The following RBMS1 variants were observed in gnomAD, a reference collection of about 807,000 sequenced individuals.
RBMS1 encodes RNA binding motif single stranded interacting protein 1.
RBMS1 carries 17 observed loss-of-function variants against 62.3 expected under a neutral mutation model. The observed-to-expected ratio is 0.27, with a 90% CI of 0.19 to 0.41. RBMS1 has a LOEUF of 0.41. RBMS1 is among the 10% of genes least tolerant of loss of function. The pLI, the probability that RBMS1 is intolerant of heterozygous loss-of-function variation, is 1.00. For missense variants in RBMS1, 334 were observed against 504.5 expected, an observed-to-expected ratio of 0.66 and a Z score of 3.24; for synonymous variants, 172 against 170.0, an observed-to-expected ratio of 1.01 and a Z score of -0.09.
At chr2:160,290,244 C>T (rs1463520142) in intron 6 of RBMS1, among the ~76,000 whole-genome samples, 2 of 150,686 alleles carry the variant, frequency 1.3e-5, no homozygotes, top group African/African-American at 4.9e-5. Flanking sequence ...TTCAGCTGAA[C>T]TCCAATTGTT....
intron 2 of RBMS1, among the ~76,000 whole-genome samples, chr2:160,335,222 T>C (rs1206090075): frequency 6.6e-6 from 1 of 152,172 alleles, no homozygotes; most frequent in Admixed American, 6.5e-5. Flanking sequence ...TTTTTAAATG[T>C]ATTTTATTAT....
chr2:160,367,813 CTT>C (rs1693494543), intron 1 of RBMS1, among the ~76,000 whole-genome samples: 1 of 152,022 alleles, frequency 6.6e-6, no homozygotes, highest in Admixed American at 6.5e-5. Context: ...TAGGATGACT[CTT>C]AAAAAAAATT....
chr2:160,412,076 T>C (rs1171408748), intron 1 of RBMS1, among the ~76,000 whole-genome samples: 3 of 152,234 alleles, frequency 2.0e-5, no homozygotes, highest in African/African-American at 7.2e-5. Flanking sequence ...TTTGAATGAA[T>C]TGGAAGACTG....
rs1484713932 is a variant in RBMS1 at position 160,329,052 on chromosome 2, T to C, written c.252-10825A>G. On this transcript the variant is annotated intron_variant, in intron 2 of 13. Coordinates refer to ENST00000348849, the MANE Select transcript of RBMS1 (RefSeq NM_016836.4). Reference sequence around the variant, plus strand: ...ACAAGCTAAAAAGGCAAGAGTCAAATTGGACATTTCTTCGACTGAACACTA... The same window carrying C: ...ACAAGCTAAAAAGGCAAGAGTCAAACTGGACATTTCTTCGACTGAACACTA... Among the ~76,000 whole-genome samples, 7 of 152,168 alleles carry C rather than the reference T, an allele frequency of 4.6e-5. No individual in the cohort carries two copies. The East Asian group carries it at 9.6e-4, about 21-fold the overall frequency.
chr2:160,390,145 C>T (rs1694783620), intron 1 of RBMS1, among the ~76,000 whole-genome samples: 1 of 152,186 alleles, frequency 6.6e-6, no homozygotes. Flanking sequence ...GGCATTATTG[C>T]TTTTCCACTC....
intron 1 of RBMS1, among the ~76,000 whole-genome samples, chr2:160,368,441 G>C (rs536345184): frequency 1.3e-5 from 2 of 152,238 alleles, no homozygotes; most frequent in Non-Finnish European, 2.9e-5. Flanking sequence ...AAACAAGAAA[G>C]TCAGGCATGT....
At chr2:160,448,241 G>T (rs1419925375) in intron 1 of RBMS1, among the ~76,000 whole-genome samples, 1 of 151,922 alleles carries the variant, frequency 6.6e-6, no homozygotes. Flanking sequence ...TGAAATGGTA[G>T]AAATCACCTG....
rs1684207347 is a variant in RBMS1 at position 160,455,909 on chromosome 2, TC to T, written c.75+37379del. On this transcript the variant is annotated intron_variant, in intron 1 of 13. Coordinates refer to ENST00000348849, the MANE Select transcript of RBMS1 (RefSeq NM_016836.4). ...CGTGTTAGCCAGGATGGTCTCGATCTCCTGACCTCGTGATCCGCCCGCCTCG... is the reference window on the plus strand; with the variant it reads ...CGTGTTAGCCAGGATGGTCTCGATCTCTGACCTCGTGATCCGCCCGCCTCG... Among the ~76,000 whole-genome samples the T allele has an allele frequency of 2.0e-5, 3 of 152,062 alleles. No homozygotes were observed. The South Asian group carries it at 6.2e-4, about 32-fold the overall frequency.
At chr2:160,313,028 AG>A (rs1325564900) in intron 4 of RBMS1, 127 bp downstream of exon 4, 1 of 754,248 alleles carries the variant, frequency 1.3e-6, no homozygotes, top group Non-Finnish European at 2.2e-6. Flanking sequence ...GCACAGGACA[AG>A]TGTCCAGAAG....
chr2:160,439,201 C>A lies in RBMS1; in HGVS notation c.75+54088G>T, dbSNP rs541931813. ...GCTGGCCGGACGGGGGGCTGACCCCCCCACCTCCCTCTCGGACGAGGTGGC... is the reference window on the plus strand; with the variant it reads ...GCTGGCCGGACGGGGGGCTGACCCCACCACCTCCCTCTCGGACGAGGTGGC... On this transcript the variant is annotated intron_variant, in intron 1 of 13. Transcript: ENST00000348849. 2.6e-5 allele frequency among the ~76,000 whole-genome samples: 4 copies of A among 151,824 alleles called. No individual in the cohort carries two copies. The South Asian group carries it at 8.3e-4, about 32-fold the overall frequency.
intron 13 of RBMS1, 49 bp downstream of exon 13, chr2:160,275,581 G>A: frequency 6.3e-7 from 1 of 1,597,964 alleles, no homozygotes; most frequent in Non-Finnish European, 8.6e-7. Flanking sequence ...AAGCCCTATA[G>A]ATTGTGCTTG....
At chr2:160,396,423 T>G (rs1695141824) in intron 1 of RBMS1, among the ~76,000 whole-genome samples, 2 of 152,130 alleles carry the variant, frequency 1.3e-5, no homozygotes, top group Non-Finnish European at 2.9e-5. Flanking sequence ...TACTATCTCA[T>G]TTAATCCTCC....
chr2:160,471,704 T>TAC, intron 1 of RBMS1, among the ~76,000 whole-genome samples: 3 of 101,368 alleles, frequency 3.0e-5, no homozygotes, highest in South Asian at 3.4e-4. Context: ...TATATATATA[T>TAC]ATATATATAT....
chr2:160,407,244 G>A (rs1405475602), intron 1 of RBMS1, among the ~76,000 whole-genome samples: 1 of 151,986 alleles, frequency 6.6e-6, no homozygotes, highest in Non-Finnish European at 1.5e-5. Flanking sequence ...TCCTGCCCCT[G>A]CCCCTTCCTC....
chr2:160,304,004 T>C (rs1172498298), intron 4 of RBMS1, among the ~76,000 whole-genome samples: 6 of 151,936 alleles, frequency 3.9e-5, no homozygotes, highest in Non-Finnish European at 1.5e-5. Flanking sequence ...TCACCAACAG[T>C]AAAAACAGGT....
At chr2:160,371,930 T>C (rs1167586122) in intron 1 of RBMS1, among the ~76,000 whole-genome samples, 5 of 152,080 alleles carry the variant, frequency 3.3e-5, no homozygotes, top group Admixed American at 6.6e-5. Context: ...CTCTATCACA[T>C]CACCCCCTAT....
At chr2:160,303,920 A>G (rs1161765772) in intron 4 of RBMS1, among the ~76,000 whole-genome samples, 2 of 152,212 alleles carry the variant, frequency 1.3e-5, no homozygotes, top group African/African-American at 4.8e-5. Flanking sequence ...CAAGTCATCT[A>G]GCATCCAATA....
intron 2 of RBMS1, among the ~76,000 whole-genome samples, chr2:160,359,520 C>A (rs1693007903): frequency 6.6e-6 from 1 of 152,142 alleles, no homozygotes; most frequent in Non-Finnish European, 1.5e-5. Flanking sequence ...CCTACCTCAT[C>A]ATAGGATCAT....
chr2:160,354,150 G>A (rs1008790417), intron 2 of RBMS1, among the ~76,000 whole-genome samples: 9 of 151,974 alleles, frequency 5.9e-5, no homozygotes, highest in Admixed American at 1.3e-4. Flanking sequence ...CGTGTTCCTC[G>A]TTAACAGCCA....
Sources: allele counts gnomAD v4.1 joint callset (sites outside exome capture counted in the v4.1 genomes callset), GRCh38; gene constraint gnomAD v4.1.1; transcripts MANE v1.5; gene names NCBI Gene and HGNC (gene_info 2026-07-23, HGNC 2026-07-21).